EPHB2: variants seen among roughly 807,000 people sequenced by gnomAD.
EPHB2 encodes the protein ephrin type-B receptor 2.
A neutral mutation model predicts 96.4 loss-of-function variants in EPHB2; 18 were observed. That is an observed-to-expected ratio of 0.19 (90% CI 0.13 to 0.28). The LOEUF (loss-of-function observed/expected upper bound fraction) is 0.28, where lower values mean the gene tolerates loss of function less well. EPHB2 is among the 10% of genes least tolerant of loss of function. EPHB2 has a pLI of 1.00. For missense variants in EPHB2, 989 were observed against 1,355.4 expected (o/e 0.73, Z 4.25); for synonymous variants, 506 against 534.1 (o/e 0.95, Z 0.72).
intron 5 of EPHB2, among the ~76,000 whole-genome samples, chr1:22,870,795 C>T (rs1184477813): frequency 6.6e-6 from 1 of 152,318 alleles, no homozygotes; most frequent in East Asian, 1.9e-4. Flanking sequence ...TGGAATCAGG[C>T]AGCCGAACCT....
At chr1:22,726,596 A>G (rs948643112) in intron 1 of EPHB2, among the ~76,000 whole-genome samples, 14 of 151,748 alleles carry the variant, frequency 9.2e-5, no homozygotes, top group Non-Finnish European at 2.9e-5. Flanking sequence ...AATTTTTTAT[A>G]TTTTTAGTAG....
chr1:22,753,452 C>T lies in EPHB2; in HGVS notation c.62-27969C>T, dbSNP rs531547354. 2.0e-5 allele frequency among the ~76,000 whole-genome samples: 3 copies of T among 152,210 alleles called. No homozygotes were observed. The South Asian group carries it at 6.2e-4, about 32-fold the overall frequency. On this transcript the variant is annotated intron_variant, in intron 1 of 15. Coordinates refer to ENST00000374630, the MANE Select transcript of EPHB2 (RefSeq NM_017449.5). Reference sequence around the variant, plus strand: ...GGGCTGTCATGGTCCAGTCAGGTGGCTTTGGTGGATATCCAAAGTCAGTCG... The same window carrying T: ...GGGCTGTCATGGTCCAGTCAGGTGGTTTTGGTGGATATCCAAAGTCAGTCG...
intron 5 of EPHB2, among the ~76,000 whole-genome samples, chr1:22,865,651 G>A (rs1178587792): frequency 6.6e-6 from 1 of 152,192 alleles, no homozygotes; most frequent in Admixed American, 6.5e-5. Context: ...GCATGTCTGT[G>A]CGAAGAGAGG....
At chr1:22,720,660 T>TTC (rs1643432681) in intron 1 of EPHB2, among the ~76,000 whole-genome samples, 1 of 57,380 alleles carries the variant, frequency 1.7e-5, no homozygotes, top group African/African-American at 6.2e-5. Flanking sequence ...GAAATCTCAT[T>TTC]CCCCCCCCCC....
intron 3 of EPHB2, among the ~76,000 whole-genome samples, chr1:22,845,467 T>C (rs1300915736): frequency 6.6e-6 from 1 of 152,152 alleles, no homozygotes; most frequent in African/African-American, 2.4e-5. Context: ...TTGGTGACAG[T>C]GTGGGCTATC....
chr1:22,827,443 G>A (rs188733955), intron 3 of EPHB2, among the ~76,000 whole-genome samples: 6 of 152,332 alleles, frequency 3.9e-5, no homozygotes, highest in African/African-American at 1.2e-4. Context: ...TCCAGTGGCC[G>A]CCAGCCTGGC....
intron 1 of EPHB2, among the ~76,000 whole-genome samples, chr1:22,748,808 A>C (rs560620415): frequency 2.0e-5 from 3 of 149,138 alleles, no homozygotes; most frequent in Non-Finnish European, 4.5e-5. Context: ...GTTTCCTCCA[A>C]TTCTTTCTAG....
At position 22,784,838 on chromosome 1, in the gene EPHB2, T is replaced by A; in HGVS notation, c.573T>A (p.Arg191=). The A allele has an allele frequency of 5.0e-6, 8 of 1,606,608 alleles. No individual in the cohort carries two copies. The highest frequency in any genetic ancestry group is 6.0e-6 in the Non-Finnish European group (7 of 1,175,314). ...YGGCMSLIAV[R]VFYRKCPRII... ...GCTGCATGTCCCTCATCGCCGTGCG[T>A]GTCTTCTACCGCAAGTGCCCCCGCA... The change falls in exon 3 of 16, where the codon CGT becomes CGA. Residue 191 remains arginine (R), a synonymous_variant. Transcript: ENST00000374630. This position sits in a 1 kb window ranked among gnomAD's most constrained non-coding sequence, Gnocchi z 5.1.
At chr1:22,894,939 C>T (rs2148569573) in intron 7 of EPHB2, among the ~76,000 whole-genome samples, 1 of 152,308 alleles carries the variant, frequency 6.6e-6, no homozygotes, top group African/African-American at 2.4e-5. Flanking sequence ...TGAATGCTTG[C>T]TTAGGTGCCA....
intron 1 of EPHB2, among the ~76,000 whole-genome samples, chr1:22,720,665 C>CG (rs1553157977): frequency 4.9e-5 from 5 of 102,212 alleles, no homozygotes; most frequent in South Asian, 1.3e-3. Flanking sequence ...CTCATTCCCC[C>CG]CCCCCCCCGC....
At chr1:22,838,618 T>C (rs1379443782) in intron 3 of EPHB2, among the ~76,000 whole-genome samples, 2 of 152,182 alleles carry the variant, frequency 1.3e-5, no homozygotes, top group African/African-American at 2.4e-5. Flanking sequence ...CCCGAAAATC[T>C]AGTATGATTT....
At chr1:22,796,342 A>G (rs765687785) in intron 3 of EPHB2, among the ~76,000 whole-genome samples, 38 of 152,168 alleles carry the variant, frequency 2.5e-4, no homozygotes, top group Non-Finnish European at 4.4e-4. Context: ...TCTTGCTGGT[A>G]TCCTGGGCTT....
chr1:22,724,236 ATGTG>A (rs143080293), intron 1 of EPHB2, among the ~76,000 whole-genome samples: 5 of 151,154 alleles, frequency 3.3e-5, no homozygotes, highest in East Asian at 1.9e-4. Context: ...TCCCCCTTGC[ATGTG>A]TGTGTGTGTG....
chr1:22,767,365 A>G (rs1644321739), intron 1 of EPHB2, among the ~76,000 whole-genome samples: 1 of 152,138 alleles, frequency 6.6e-6, no homozygotes, highest in Non-Finnish European at 1.5e-5. Context: ...GCTCCTTGGG[A>G]TCATGAAAGG....
intron 9 of EPHB2, among the ~76,000 whole-genome samples, chr1:22,903,778 T>C (rs1448239039): frequency 2.0e-5 from 3 of 152,182 alleles, no homozygotes; most frequent in Non-Finnish European, 1.5e-5. Flanking sequence ...CTCAGCCCTA[T>C]AGACATTGAG....
rs573199349 is a variant in EPHB2, at chr1:22,859,300, G to T, written c.812-3737G>T. ...CAGGGGTGTGGGGTGGGCCTGGTGG[G>T]GGGGGGGGTATTGTACCTAGGTGAG... On this transcript the variant is annotated intron_variant, in intron 3 of 15. Coordinates refer to ENST00000374630, the MANE Select transcript of EPHB2 (RefSeq NM_017449.5). Among the ~76,000 whole-genome samples the T allele has an allele frequency of 2.8e-4, 42 of 150,876 alleles. No individual in the cohort carries two copies. The South Asian group carries it at 4.9e-3, about 18-fold the overall frequency.
intron 8 of EPHB2, 125 bp from the exon 9 acceptor site, chr1:22,896,289 G>A: frequency 8.3e-7 from 1 of 1,207,076 alleles, no homozygotes; most frequent in East Asian, 2.4e-5. Context: ...AAAGGGGCAG[G>A]CAGGGAGCCC....
chr1:22,834,320 G>C (rs1395253194), intron 3 of EPHB2, among the ~76,000 whole-genome samples: 2 of 152,178 alleles, frequency 1.3e-5, no homozygotes, highest in South Asian at 4.1e-4. Flanking sequence ...TGTAGGAACA[G>C]TTAACTCTCC....
At chr1:22,903,147 A>C (rs10799772) in intron 9 of EPHB2, among the ~76,000 whole-genome samples, 18,488 of 152,278 alleles carry the variant, frequency 0.12, 2,110 homozygotes, top group East Asian at 0.65. Context: ...CCTCTTGACC[A>C]GTGCTGCTGG....
Sources: allele counts gnomAD v4.1 joint callset (sites outside exome capture counted in the v4.1 genomes callset), GRCh38; gene constraint gnomAD v4.1.1; non-coding constraint Gnocchi (gnomAD v3.1); transcripts MANE v1.5; gene names NCBI Gene and HGNC (gene_info 2026-07-23, HGNC 2026-07-21).